The following GALM variants were observed in gnomAD, a reference collection of about 807,000 sequenced individuals.
GALM encodes galactose mutarotase, also known as aldose 1-epimerase.
In GALM, 43 loss-of-function variants were observed where a neutral mutation model predicts 37.4. That is an observed-to-expected ratio of 1.15 (90% CI 0.90 to 1.48). The LOEUF (loss-of-function observed/expected upper bound fraction) is 1.48. Among genes scored for constraint, GALM ranks in the 40% most tolerant of loss-of-function variants. The pLI, the probability that GALM is intolerant of heterozygous loss-of-function variation, is 0.00. For synonymous variants in GALM, 199 were observed against 170.6 expected, an observed-to-expected ratio of 1.17 and a Z score of -1.30; for missense variants, 456 against 419.1, an observed-to-expected ratio of 1.09 and a Z score of -0.77.
At chr2:38,710,787 C>G (rs947709429) in intron 4 of GALM, among the ~76,000 whole-genome samples, 71 of 144,390 alleles carry the variant, frequency 4.9e-4, no homozygotes, top group Admixed American at 1.4e-3. Context: ...GAGTTTCACT[C>G]TTATTGCCCA....
intron 4 of GALM, among the ~76,000 whole-genome samples, chr2:38,713,963 T>C (rs1666219973): frequency 6.6e-6 from 1 of 151,844 alleles, no homozygotes; most frequent in Non-Finnish European, 1.5e-5. Flanking sequence ...TTGAGTTCTA[T>C]AGGCCTCATC....
chr2:38,681,027 G>A (rs1303234404), intron 2 of GALM, among the ~76,000 whole-genome samples: 1 of 151,898 alleles, frequency 6.6e-6, no homozygotes, highest in Non-Finnish European at 1.5e-5. Context: ...TCATACTCGG[G>A]AGGCTGAGGC....
chr2:38,677,781 G>A (rs375077569), intron 2 of GALM, among the ~76,000 whole-genome samples: 2 of 152,230 alleles, frequency 1.3e-5, no homozygotes, highest in Admixed American at 6.5e-5. Flanking sequence ...GGACTCCTGA[G>A]GCTCACAGTA....
At chr2:38,696,939 G>T (rs1468149595) in intron 4 of GALM, among the ~76,000 whole-genome samples, 1 of 151,736 alleles carries the variant, frequency 6.6e-6, no homozygotes, top group Non-Finnish European at 1.5e-5. Context: ...ACAGGCACAT[G>T]CCACCACGCC....
intron 1 of GALM, among the ~76,000 whole-genome samples, chr2:38,674,405 G>C (rs1469440726): frequency 6.6e-6 from 1 of 152,030 alleles, no homozygotes; most frequent in East Asian, 1.9e-4. Flanking sequence ...GGCCAGGATG[G>C]TCTCAATCTC....
At chr2:38,667,056 C>T (rs1664961393) in intron 1 of GALM, among the ~76,000 whole-genome samples, 1 of 152,142 alleles carries the variant, frequency 6.6e-6, no homozygotes, top group Admixed American at 6.6e-5. Context: ...CCCACTCTTG[C>T]GGTTTGGCTG....
At chr2:38,669,231 G>C (rs1665026740) in intron 1 of GALM, 1 of 152,246 alleles carries the variant, frequency 6.6e-6, no homozygotes, top group Non-Finnish European at 1.5e-5. Flanking sequence ...GGGCCTGGTA[G>C]TTAAAGATCG....
At chr2:38,668,086 G>C (rs1665002325) in intron 1 of GALM, 1 of 152,206 alleles carries the variant, frequency 6.6e-6, no homozygotes, top group Admixed American at 6.5e-5. Context: ...TTGGACCTAA[G>C]CATAGAAATG....
At chr2:38,695,352 C>G (rs1665781649) in intron 4 of GALM, among the ~76,000 whole-genome samples, 1 of 152,130 alleles carries the variant, frequency 6.6e-6, no homozygotes, top group African/African-American at 2.4e-5. Context: ...AGAAAGCAAA[C>G]TTACAGACAC....
At chr2:38,681,702 TTTCCCGTTTG>T (rs1665400659) in intron 3 of GALM, among the ~76,000 whole-genome samples, 1 of 152,208 alleles carries the variant, frequency 6.6e-6, no homozygotes, top group Non-Finnish European at 1.5e-5. Flanking sequence ...GAAGTACCTG[TTTCCCGTTTG>T]CTTCAGACAA....
intron 1 of GALM, among the ~76,000 whole-genome samples, chr2:38,675,537 TTTTTTTTG>T (rs1451154014): frequency 1.0e-4 from 9 of 90,068 alleles, no homozygotes; most frequent in African/African-American, 4.7e-4. Flanking sequence ...TTTTTTTTTT[TTTTTTTTG>T]TGTGTGTGTG....
intron 2 of GALM, among the ~76,000 whole-genome samples, chr2:38,677,642 G>A (rs1269521697): frequency 6.6e-6 from 1 of 152,186 alleles, no homozygotes; most frequent in Admixed American, 6.6e-5. Flanking sequence ...CCTGTTCACT[G>A]TGGCATTTTC....
At chr2:38,688,545 C>A (rs1374444955) in intron 3 of GALM, among the ~76,000 whole-genome samples, 1 of 152,032 alleles carries the variant, frequency 6.6e-6, no homozygotes, top group East Asian at 1.9e-4. Flanking sequence ...TCAAATATCC[C>A]CTGAGAGACA....
intron 1 of GALM, among the ~76,000 whole-genome samples, chr2:38,670,579 G>A (rs750628332): frequency 1.3e-5 from 2 of 152,158 alleles, no homozygotes; most frequent in Non-Finnish European, 2.9e-5. Context: ...ATTTTCTCAC[G>A]TGAAACAAAT....
chr2:38,687,317 G>C (rs1173386077), intron 3 of GALM, among the ~76,000 whole-genome samples: 1 of 152,196 alleles, frequency 6.6e-6, no homozygotes, highest in Non-Finnish European at 1.5e-5. Flanking sequence ...AGCAGAGTGA[G>C]CTGTAGAAAG....
At chr2:38,685,844 A>G (rs1366897993) in intron 3 of GALM, among the ~76,000 whole-genome samples, 1 of 151,834 alleles carries the variant, frequency 6.6e-6, no homozygotes, top group African/African-American at 2.4e-5. Flanking sequence ...CAGCCTCTGG[A>G]GTAGCTGGGA....
chr2:38,697,847 C>T (rs1665842060), intron 4 of GALM, among the ~76,000 whole-genome samples: 1 of 152,126 alleles, frequency 6.6e-6, no homozygotes, highest in African/African-American at 2.4e-5. Context: ...AATGCAGAGC[C>T]GGCATTTAGA....
intron 4 of GALM, among the ~76,000 whole-genome samples, chr2:38,697,679 C>T (rs754343970): frequency 6.6e-6 from 1 of 152,118 alleles, no homozygotes; most frequent in Non-Finnish European, 1.5e-5. Flanking sequence ...GGACCTTCCC[C>T]CTGTAGGTGT....
chr2:38,719,846 G>T (rs1666341509), intron 4 of GALM, among the ~76,000 whole-genome samples: 1 of 148,064 alleles, frequency 6.8e-6, no homozygotes, highest in Non-Finnish European at 1.5e-5. Context: ...GGCTGAGTTT[G>T]ATGCTGCTCC....
Sources: gnomAD v4.1 joint callset for allele counts (sites outside exome capture counted in the v4.1 genomes callset) on GRCh38, gnomAD v4.1.1 for gene constraint, MANE v1.5 for transcripts, NCBI Gene and HGNC (gene_info 2026-07-23, HGNC 2026-07-21) for gene names.